Variants in TNK2 observed in about 807,000 individuals in gnomAD.
TNK2 encodes the protein tyrosine kinase non receptor 2, also known as activated CDC42 kinase 1.
TNK2 carries 83 observed loss-of-function variants against 101.8 expected under a neutral mutation model. The observed-to-expected ratio is 0.82, with a 90% CI of 0.68 to 0.98. The LOEUF (loss-of-function observed/expected upper bound fraction) is 0.98. Among genes scored for constraint, TNK2 ranks in the 50% least tolerant of loss-of-function variants. TNK2 has a pLI of 0.00. For missense variants in TNK2, 1,665 were observed against 1,483.2 expected (o/e 1.12, Z -2.01); for synonymous variants, 804 against 633.0 (o/e 1.27, Z -4.06).
At chr3:195,872,249 C>A in intron 10 of TNK2, 27 bp downstream of exon 10, 1 of 1,611,682 alleles carries the variant, frequency 6.2e-7, no homozygotes, top group South Asian at 1.1e-5. Context: ...GGGGCCAGGT[C>A]AGCATCCATC....
At chr3:195,889,882 C>T (rs993793553) in intron 1 of TNK2, among the ~76,000 whole-genome samples, 138 of 152,322 alleles carry the variant, frequency 9.1e-4, no homozygotes, top group African/African-American at 3.1e-3. Flanking sequence ...AGAAAAAAGG[C>T]CAGCTGCCCG....
In TNK2 at chr3:195,903,547, T is replaced by G. The variant is rs148305404; in HGVS notation, c.-19+4938A>C. ...GCCTGGCCAACATAGTGAAACCCCA[T>G]CTCTACTAAGGATACAAAAATTAGC... is the stretch of plus-strand genomic sequence containing the variant. On this transcript the variant is annotated intron_variant, in intron 1 of 15. Coordinates refer to ENST00000672887, the MANE Select transcript of TNK2 (RefSeq NM_001382273.1). Among the ~76,000 whole-genome samples the G allele has an allele frequency of 8.3e-4, 126 of 152,096 alleles. 2 individuals carry two copies. The highest frequency in any genetic ancestry group is 2.7e-3 in the African/African-American group (112 of 41,502).
At position 195,887,024 on chromosome 3, in the gene TNK2, C is replaced by A; in HGVS notation, c.187G>T (p.Val63Leu). The change falls in exon 3 of 16, where the codon GTG becomes TTG. Residue 63 changes from valine to leucine, a missense_variant. Transcript: ENST00000672887. Reference protein sequence around the residue: ...RPGQRRLWEAVKRRKALCKRK... With the variant: ...RPGQRRLWEALKRRKALCKRK... ...TTGCACAAGGCCTTCCTCCTCTTCA[C>A]AGCCTCCCACAGCCGCCGCTGGCCT... 6.2e-7 allele frequency: 1 copy of A among 1,613,940 alleles called. No individual in the cohort carries two copies. Among genetic ancestry groups the A allele is most frequent in the Non-Finnish European group, 8.5e-7 (1 of 1,179,880 alleles).
At chr3:195,906,564 C>T (rs75417972) in intron 1 of TNK2, among the ~76,000 whole-genome samples, 29,349 of 151,660 alleles carry the variant, frequency 0.19, 3,260 homozygotes, top group Middle Eastern at 0.3. Flanking sequence ...AGTAGACCAG[C>T]CTGTTACCTG....
rs1260649955 is a variant in TNK2, at chr3:195,884,965, G to T, written c.303C>A (p.Thr101=). 1 of 1,613,744 alleles carries T rather than the reference G, an allele frequency of 6.2e-7. No homozygotes were observed. Among genetic ancestry groups the T allele is most frequent in the Non-Finnish European group, 8.5e-7 (1 of 1,179,890 alleles). Reference sequence around the variant, plus strand: ...CTGCTGGGCCCCCAGGGGCGGGCGAGGTCTTCCGGAAGGTGCTCTGAGAGT... The same window carrying T: ...CTGCTGGGCCCCCAGGGGCGGGCGATGTCTTCCGGAAGGTGCTCTGAGAGT... The part of the protein sequence containing the change: ...PHHSQSTFRK[T]SPAPGGPAGE... Residue 101 remains threonine (T), a synonymous_variant, in exon 4 of 16, where the codon ACC becomes ACA. Coordinates refer to ENST00000672887, the MANE Select transcript of TNK2 (RefSeq NM_001382273.1).
rs3749334 is a variant in TNK2, at chr3:195,867,924, G to A, written c.2374C>T (p.Arg792Trp). The change falls in exon 13 of 16, where the codon CGG (arginine) becomes TGG (tryptophan). Residue 792 changes from arginine (R) to tryptophan (W), a missense_variant. Physicochemically the swap from Arg to Trp is moderately radical, Grantham distance 101. Coordinates refer to ENST00000672887, the MANE Select transcript of TNK2 (RefSeq NM_001382273.1). Reference protein sequence around the residue: ...SQWPGPASPPRVPPREPLSPQ... With the variant: ...SQWPGPASPPWVPPREPLSPQ... ...GACAGGGGCTCCCGCGGAGGCACCC[G>A]GGGAGGGGAAGCAGGTCCAGGCCAC... The A allele has an allele frequency of 1.9e-4, 290 of 1,533,942 alleles. 1 individual carries two copies. In the East Asian group the frequency reaches 2.7e-3, roughly 14 times the overall value.
At chr3:195,879,851 A>G (rs1472198902) in intron 6 of TNK2, among the ~76,000 whole-genome samples, 1 of 152,070 alleles carries the variant, frequency 6.6e-6, no homozygotes, top group Non-Finnish European at 1.5e-5. Context: ...TCCTTGGTGA[A>G]ATGAGAACAA....
chr3:195,872,419 C>T lies in TNK2; in HGVS notation c.1308G>A (p.Gly436=). 2 of 1,612,394 alleles carry T rather than the reference C, an allele frequency of 1.2e-6. No individual in the cohort carries two copies. Among genetic ancestry groups the T allele is most frequent in the Admixed American group, 3.3e-5 (2 of 59,916 alleles). ...RGQNTRTLCV[G]PFPRNVVTSV... ...AGGTCACCACGTTGCGAGGGAAGGG[C>T]CCCACACACAGCGTCCGTGTGTTCT... The change falls in exon 10 of 16, where the codon GGG becomes GGA. Residue 436 remains glycine, a synonymous_variant. Coordinates refer to ENST00000672887, the MANE Select transcript of TNK2 (RefSeq NM_001382273.1).
chr3:195,877,838 G>A (rs1454119215), intron 9 of TNK2, among the ~76,000 whole-genome samples: 3 of 152,228 alleles, frequency 2.0e-5, no homozygotes, highest in Non-Finnish European at 4.4e-5. Flanking sequence ...GCTGCAAGAG[G>A]GCAGGCTGGG....
Position 195,878,177 on chromosome 3 carries a change from C to A in TNK2, c.1256+76G>T. ...GGCCAAGGGAATCTTGGAGGCCAAA[C>A]AGATCTGTCCACAGGTCCCTCCGAC... On this transcript the variant is annotated intron_variant, in intron 9 of 15. Coordinates refer to ENST00000672887, the MANE Select transcript of TNK2 (RefSeq NM_001382273.1). This position sits in a 1 kb window ranked among gnomAD's most constrained non-coding sequence, Gnocchi z 4.7. 2 of 1,494,776 alleles carry A rather than the reference C, an allele frequency of 1.3e-6. No individual in the cohort carries two copies. The highest frequency in any genetic ancestry group is 1.1e-5 in the South Asian group (1 of 88,518). The allele number at this position is 1,494,776 out of a possible 1,614,324, so 92.6% of individuals were successfully genotyped here.
chr3:195,902,196 G>A (rs1413804683), intron 1 of TNK2, among the ~76,000 whole-genome samples: 1 of 152,184 alleles, frequency 6.6e-6, no homozygotes, highest in Non-Finnish European at 1.5e-5. Flanking sequence ...CCCAGCGTGA[G>A]AGACACTTGA....
rs763001076 is a variant in TNK2 at position 195,882,774 on chromosome 3, C to T, written c.609+383G>A. Among the ~76,000 whole-genome samples the T allele has an allele frequency of 3.9e-5, 6 of 152,314 alleles. No homozygotes were observed. The highest frequency in any genetic ancestry group is 2.0e-4 in the Admixed American group (3 of 15,302). On this transcript the variant is annotated intron_variant, in intron 5 of 15. Coordinates refer to ENST00000672887, the MANE Select transcript of TNK2 (RefSeq NM_001382273.1). This position sits in a 1 kb window ranked among gnomAD's most constrained non-coding sequence, Gnocchi z 4.2. Reference sequence around the variant, plus strand: ...TTGGAAGCCTGAGGCAGGAATATCGCGTGAACCCAGGAGGCCGAGGTTGCA... The same window carrying T: ...TTGGAAGCCTGAGGCAGGAATATCGTGTGAACCCAGGAGGCCGAGGTTGCA...
rs372539686 is a variant in TNK2 at position 195,885,109 on chromosome 3, C to G, written c.235-76G>C. On this transcript the variant is annotated intron_variant, in intron 3 of 15. Transcript: ENST00000672887. This position sits in a 1 kb window ranked among gnomAD's most constrained non-coding sequence, Gnocchi z 4.7. The stretch of plus-strand genomic sequence containing the variant: ...TCACTCAGTCCCACCCCGCTGGGTC[C>G]ACCTGGTGATCCCCGGCTTCGGCTT... The G allele has an allele frequency of 1.6e-5, 23 of 1,410,224 alleles. No individual in the cohort carries two copies. In the Middle Eastern group the frequency reaches 5.7e-4, roughly 35 times the overall value. 87.4% of individuals were successfully genotyped at this position (1,410,224 alleles called of 1,614,324 possible). A position where few individuals can be genotyped will look rare whatever the true frequency, so the allele number is the denominator to read the frequency against.
Position 195,882,018 on chromosome 3 carries a change from G to T in TNK2, c.887+33C>A. ...GAAGCTTTGAGGCCTGGGTCTGCAG[G>T]GACTCTGTGAGCTGGCAGCACCTGC... On this transcript the variant is annotated intron_variant, in intron 6 of 15. Transcript: ENST00000672887. The surrounding 1 kb of genome is among the most constrained non-coding windows in gnomAD (Gnocchi z 4.2). The T allele has an allele frequency of 6.3e-7, 1 of 1,589,910 alleles. No homozygotes were observed. The highest frequency in any genetic ancestry group is 1.1e-5 in the South Asian group (1 of 87,486).
chr3:195,887,069 GCGTGCTGTGAAGGC>G, intron 2 of TNK2, 22 bp from the exon 3 acceptor site: 1 of 1,600,174 alleles, frequency 6.2e-7, no homozygotes, highest in South Asian at 1.1e-5. Context: ...GCGGGGAACC[GCGTGCTGTGAAGGC>G]CGCCGTAGCC....
Position 195,866,989 on chromosome 3 carries a change from G to C in TNK2, c.3061C>G (p.Arg1021Gly). Residue 1021 changes from arginine (R) to glycine (G), a missense_variant, in exon 15 of 16, where the codon CGG (arginine) becomes GGG (glycine). Arg to Gly is a moderately radical substitution (Grantham distance 125, BLOSUM62 -2). Transcript: ENST00000672887. ...KVEQLFGLGL[R>G]PRGECHKVLE... Reference sequence around the variant, plus strand: ...ACTTTGTGGCACTCCCCTCTGGGCCGCAGACCCAGCCCGAAGAGCTGCTCC... The same window carrying C: ...ACTTTGTGGCACTCCCCTCTGGGCCCCAGACCCAGCCCGAAGAGCTGCTCC... 1 of 1,613,066 alleles carries C rather than the reference G, an allele frequency of 6.2e-7. No individual in the cohort carries two copies. The highest frequency in any genetic ancestry group is 8.5e-7 in the Non-Finnish European group (1 of 1,179,890).
intron 4 of TNK2, chr3:195,883,634 G>C (rs78461454): frequency 4.1e-6 from 1 of 244,862 alleles, no homozygotes; most frequent in Admixed American, 4.5e-5. Flanking sequence ...TTTTTTTTTT[G>C]AGACAGTCTC....
chr3:195,897,506 TTTTG>T (rs908033310), intron 1 of TNK2, among the ~76,000 whole-genome samples: 2 of 152,114 alleles, frequency 1.3e-5, no homozygotes, highest in African/African-American at 2.4e-5. Context: ...CCCACATGTT[TTTTG>T]TTTGTTTGTT....
intron 12 of TNK2, chr3:195,869,291 C>T (rs1482742872): frequency 3.2e-6 from 2 of 625,442 alleles, no homozygotes; most frequent in African/African-American, 3.7e-5. Flanking sequence ...GAAGCCAGGG[C>T]CACACTCGTG....
Sources: allele counts gnomAD v4.1 joint callset (sites outside exome capture counted in the v4.1 genomes callset), GRCh38; gene constraint gnomAD v4.1.1; non-coding constraint Gnocchi (gnomAD v3.1); transcripts MANE v1.5; gene names NCBI Gene and HGNC (gene_info 2026-07-23, HGNC 2026-07-21).